EML6: variants seen among roughly 807,000 people sequenced by gnomAD.
EML6 encodes EMAP like 6, also known as echinoderm microtubule-associated protein-like 6.
EML6 carries 154 observed loss-of-function variants against 240.1 expected under a neutral mutation model. The observed-to-expected ratio is 0.64, with a 90% CI of 0.56 to 0.73. EML6 has a LOEUF of 0.73. Among genes scored for constraint, EML6 ranks in the 30% least tolerant of loss-of-function variants. The probability of loss-of-function intolerance (pLI) is 0.00; values close to 1 mark genes in which losing one functional copy is unlikely to be tolerated. For missense variants in EML6, 2,964 were observed against 2,474.6 expected (o/e 1.20, Z -4.20); for synonymous variants, 1,148 against 899.0 (o/e 1.28, Z -4.95).
At chr2:54,730,921 G>A (rs1355766155) in intron 2 of EML6, among the ~76,000 whole-genome samples, 2 of 152,150 alleles carry the variant, frequency 1.3e-5, no homozygotes, top group Admixed American at 6.5e-5. Flanking sequence ...GATGGGGGAC[G>A]CCAACAGTGA....
At chr2:54,743,106 T>G (rs354200) in intron 2 of EML6, among the ~76,000 whole-genome samples, 3 of 152,054 alleles carry the variant, frequency 2.0e-5, no homozygotes, top group African/African-American at 7.2e-5. Context: ...ATGATTTACT[T>G]GTTTATTCAG....
chr2:54,808,846 C>T (rs2104017295), intron 2 of EML6, among the ~76,000 whole-genome samples: 1 of 152,272 alleles, frequency 6.6e-6, no homozygotes, highest in East Asian at 1.9e-4. Context: ...CTTTTCCCTC[C>T]TGGCATGCTA....
At chr2:54,943,621 T>A (rs1675539598) in intron 28 of EML6, among the ~76,000 whole-genome samples, 2 of 152,218 alleles carry the variant, frequency 1.3e-5, no homozygotes, top group Admixed American at 6.5e-5. Flanking sequence ...CTGAGTCCAG[T>A]GACTCTCCTC....
intron 5 of EML6, among the ~76,000 whole-genome samples, chr2:54,826,086 G>T (rs910636205): frequency 1.3e-5 from 2 of 152,112 alleles, no homozygotes; most frequent in Non-Finnish European, 2.9e-5. Flanking sequence ...TGTTTCATTT[G>T]CCTCTGCATT....
At chr2:54,964,814 A>G in intron 38 of EML6, 81 bp downstream of exon 38, 1 of 1,336,404 alleles carries the variant, frequency 7.5e-7, no homozygotes, top group Non-Finnish European at 1.0e-6. Context: ...TCGAGTCCTT[A>G]CTGTGTACCA....
At chr2:54,729,429 A>C (rs10170283) in intron 2 of EML6, among the ~76,000 whole-genome samples, 10,925 of 152,296 alleles carry the variant, frequency 0.072, 476 homozygotes, top group Middle Eastern at 0.16. Flanking sequence ...GAATTTTATA[A>C]CCAGAGCTAA....
At position 54,969,495 on chromosome 2, in the gene EML6, T is replaced by A. The variant is rs192802094; in HGVS notation, c.5853-576T>A. The stretch of plus-strand genomic sequence containing the variant: ...CTGTGCTGGCTACTTCTGGCACTTA[T>A]AGCCCTTGAGATAGTACCGCCAGCA... On this transcript the variant is annotated intron_variant, in intron 41 of 41. Transcript: ENST00000356458. 3.3e-5 allele frequency among the ~76,000 whole-genome samples: 5 copies of A among 152,340 alleles called. No individual in the cohort carries two copies. In the South Asian group the frequency reaches 1.0e-3, roughly 32 times the overall value.
At chr2:54,756,643 T>C (rs185242241) in intron 2 of EML6, among the ~76,000 whole-genome samples, 1 of 152,174 alleles carries the variant, frequency 6.6e-6, no homozygotes, top group Admixed American at 6.5e-5. Context: ...GAGCATTTTT[T>C]TCTACAAAAA....
In EML6 at chr2:54,928,380, A is replaced by G; in HGVS notation, c.3743A>G (p.His1248Arg). 6.4e-7 allele frequency: 1 copy of G among 1,552,046 alleles called. No individual in the cohort carries two copies. The highest frequency in any genetic ancestry group is 1.2e-5 in the South Asian group (1 of 84,024). Reference sequence around the variant, plus strand: ...CATGTCACTAACGTGAGGTGGCTGCACAATGACTCTGTGCTGCTCACGGTG... The same window carrying G: ...CATGTCACTAACGTGAGGTGGCTGCGCAATGACTCTGTGCTGCTCACGGTG... ...SAHVTNVRWL[H>R]NDSVLLTVGG... Residue 1248 changes from histidine (H) to arginine (R), a missense_variant, in exon 27 of 42, where the codon CAC becomes CGC. Physicochemically the swap from His to Arg is conservative, Grantham distance 29 (BLOSUM62 0). Coordinates refer to ENST00000356458, the MANE Select transcript of EML6 (RefSeq NM_001039753.4).
At chr2:54,892,103 A>G (rs1672500733) in intron 18 of EML6, among the ~76,000 whole-genome samples, 1 of 152,194 alleles carries the variant, frequency 6.6e-6, no homozygotes, top group African/African-American at 2.4e-5. Context: ...TGGCTGACAC[A>G]GAACTTGTGC....
At chr2:54,806,037 A>T (rs1670455745) in intron 2 of EML6, among the ~76,000 whole-genome samples, 1 of 152,138 alleles carries the variant, frequency 6.6e-6, no homozygotes, top group Non-Finnish European at 1.5e-5. Context: ...TTCTGTCTTA[A>T]TTCCTTTTAA....
At chr2:54,908,181 A>G (rs116070347) in intron 24 of EML6, among the ~76,000 whole-genome samples, 293 of 152,112 alleles carry the variant, frequency 1.9e-3, no homozygotes, top group African/African-American at 6.6e-3. Flanking sequence ...TTGATTGCAA[A>G]GAACAGAAAC....
At chr2:54,926,251 A>G (rs1306279242) in intron 26 of EML6, among the ~76,000 whole-genome samples, 1 of 152,114 alleles carries the variant, frequency 6.6e-6, no homozygotes, top group East Asian at 1.9e-4. Context: ...ACAGGCATCC[A>G]CCACCATGCC....
chr2:54,756,588 C>CT (rs1667741311), intron 2 of EML6, among the ~76,000 whole-genome samples: 1 of 151,654 alleles, frequency 6.6e-6, no homozygotes, highest in African/African-American at 2.4e-5. Flanking sequence ...TTAAAAAAAT[C>CT]TTTTTTTAAG....
At chr2:54,942,372 C>A (rs986030869) in intron 28 of EML6, among the ~76,000 whole-genome samples, 1 of 152,132 alleles carries the variant, frequency 6.6e-6, no homozygotes, top group African/African-American at 2.4e-5. Flanking sequence ...AGTGACTCTC[C>A]GAAGACTGTG....
intron 2 of EML6, among the ~76,000 whole-genome samples, chr2:54,811,265 G>C (rs1176323027): frequency 6.6e-6 from 1 of 152,126 alleles, no homozygotes; most frequent in East Asian, 1.9e-4. Flanking sequence ...AAAATAGTCA[G>C]TGGTACCCTA....
At chr2:54,723,967 C>T (rs530077451) in intron 1 of EML6, among the ~76,000 whole-genome samples, 190 bp downstream of exon 1, 61 of 152,290 alleles carry the variant, frequency 4.0e-4, no homozygotes, top group African/African-American at 1.3e-3. Context: ...GTCCCTCGGG[C>T]GACCCCTCTC....
chr2:54,962,415 GTCA>G, intron 35 of EML6, 105 bp from the exon 36 acceptor site: 1 of 856,924 alleles, frequency 1.2e-6, no homozygotes, highest in Non-Finnish European at 1.8e-6. Flanking sequence ...TTCACCGGCA[GTCA>G]TCATTCTACT....
chr2:54,833,933 A>T (rs1418879175), intron 7 of EML6, among the ~76,000 whole-genome samples: 9 of 152,188 alleles, frequency 5.9e-5, no homozygotes, highest in Non-Finnish European at 1.5e-5. Context: ...GGGTGTCTTT[A>T]TATATTTTGT....
Sources: allele counts gnomAD v4.1 joint callset (sites outside exome capture counted in the v4.1 genomes callset), GRCh38; gene constraint gnomAD v4.1.1; transcripts MANE v1.5; gene names NCBI Gene and HGNC (gene_info 2026-07-23, HGNC 2026-07-21).